The following SLC24A2 variants were observed in gnomAD, a reference collection of about 807,000 sequenced individuals.
The protein encoded by SLC24A2 is solute carrier family 24 member 2.
Under a neutral mutation model 62.0 loss-of-function variants are expected in SLC24A2, and 36 were observed. The observed-to-expected ratio is 0.58, with a 90% CI of 0.44 to 0.77. SLC24A2 has a LOEUF of 0.77. SLC24A2 is among the 30% of genes least tolerant of loss of function. SLC24A2 has a pLI of 0.00. For missense variants in SLC24A2, 846 were observed against 817.9 expected (o/e 1.03, Z -0.42); for synonymous variants, 358 against 294.0 (o/e 1.22, Z -2.23).
chr9:20,097,804 G>A, the SLC24A2 span, among the ~76,000 whole-genome samples: 1 of 126,914 alleles, frequency 7.9e-6, no homozygotes, highest in Non-Finnish European at 1.6e-5. Flanking sequence ...GTGCAGTGGC[G>A]CGATCTCGAC....
At chr9:19,779,324 CCAAA>C (rs1383247517) in intron 2 of SLC24A2, among the ~76,000 whole-genome samples, 1 of 151,944 alleles carries the variant, frequency 6.6e-6, no homozygotes, top group Non-Finnish European at 1.5e-5. Flanking sequence ...AAGGAAAATG[CCAAA>C]CACTCAAAGC....
chr9:20,096,248 A>T, the SLC24A2 span, among the ~76,000 whole-genome samples: 2 of 152,224 alleles, frequency 1.3e-5, no homozygotes, highest in Non-Finnish European at 2.9e-5. Context: ...CTTGTATCAT[A>T]GTATTACCAG....
the SLC24A2 span, among the ~76,000 whole-genome samples, chr9:20,299,034 T>A: frequency 6.6e-6 from 1 of 152,096 alleles, no homozygotes; most frequent in East Asian, 1.9e-4. Flanking sequence ...AACAGTCCCA[T>A]AGAGTCATTC....
chr9:19,774,785 C>T (rs1292177500), intron 2 of SLC24A2, among the ~76,000 whole-genome samples: 1 of 152,196 alleles, frequency 6.6e-6, no homozygotes, highest in Non-Finnish European at 1.5e-5. Context: ...CTCATTACTC[C>T]TCCAAAGGAA....
the SLC24A2 span, among the ~76,000 whole-genome samples, chr9:19,917,674 G>T: frequency 6.6e-6 from 1 of 151,880 alleles, no homozygotes; most frequent in Non-Finnish European, 1.5e-5. Context: ...TACTTAAAAC[G>T]TATTCTAACA....
chr9:20,174,724 A>C, the SLC24A2 span, among the ~76,000 whole-genome samples: 2 of 152,068 alleles, frequency 1.3e-5, no homozygotes, highest in African/African-American at 4.8e-5. Flanking sequence ...GGATGCTGTG[A>C]ACAGGGAACA....
the SLC24A2 span, among the ~76,000 whole-genome samples, chr9:20,014,964 G>A: frequency 1.5e-3 from 234 of 152,164 alleles, no homozygotes; most frequent in South Asian, 3.9e-3. Context: ...CATTGTATAC[G>A]TTTACCAAAA....
chr9:20,062,041 G>A, the SLC24A2 span, among the ~76,000 whole-genome samples: 1 of 152,082 alleles, frequency 6.6e-6, no homozygotes. Context: ...TTCAACACCA[G>A]CCTGGGAAAC....
At chr9:20,187,473 G>C in the SLC24A2 span, among the ~76,000 whole-genome samples, 1 of 152,062 alleles carries the variant, frequency 6.6e-6, no homozygotes, top group Non-Finnish European at 1.5e-5. Flanking sequence ...CGCTCACTTT[G>C]CCTACCTCAA....
At chr9:20,098,395 T>C in the SLC24A2 span, among the ~76,000 whole-genome samples, 1 of 152,198 alleles carries the variant, frequency 6.6e-6, no homozygotes, top group African/African-American at 2.4e-5. Flanking sequence ...GTTTTTTGAT[T>C]TCAAAGAAAT....
the SLC24A2 span, among the ~76,000 whole-genome samples, chr9:20,181,445 C>A: frequency 6.6e-6 from 1 of 152,084 alleles, no homozygotes; most frequent in Non-Finnish European, 1.5e-5. Context: ...GGGATATAGA[C>A]CAATGGAACA....
chr9:20,255,659 G>T, the SLC24A2 span, among the ~76,000 whole-genome samples: 1 of 152,112 alleles, frequency 6.6e-6, no homozygotes, highest in Non-Finnish European at 1.5e-5. Flanking sequence ...TATGGAGAGT[G>T]GAAACTAAGA....
the SLC24A2 span, among the ~76,000 whole-genome samples, chr9:19,883,594 C>G: frequency 6.8e-6 from 1 of 147,694 alleles, no homozygotes; most frequent in African/African-American, 2.5e-5. Flanking sequence ...GAGATGGAGT[C>G]TTGCTCTGTC....
intron 2 of SLC24A2, among the ~76,000 whole-genome samples, chr9:19,672,417 T>C (rs1240090664): frequency 6.8e-6 from 1 of 146,746 alleles, no homozygotes; most frequent in Non-Finnish European, 1.5e-5. Context: ...ATTGAGCTTA[T>C]TTGGGTCTTC....
intron 2 of SLC24A2, among the ~76,000 whole-genome samples, chr9:19,733,887 G>A (rs1821417318): frequency 1.3e-5 from 2 of 151,916 alleles, no homozygotes; most frequent in Non-Finnish European, 2.9e-5. Context: ...GCTACAGATG[G>A]GCAAAAACAA....
chr9:19,529,241 A>C (rs1363738130), intron 8 of SLC24A2, among the ~76,000 whole-genome samples: 4 of 152,166 alleles, frequency 2.6e-5, no homozygotes, highest in African/African-American at 9.7e-5. Context: ...TATGAAAGTA[A>C]TCTCAATTGT....
the SLC24A2 span, among the ~76,000 whole-genome samples, chr9:19,850,660 T>G: frequency 1.3e-4 from 19 of 151,986 alleles, no homozygotes; most frequent in Non-Finnish European, 2.5e-4. Context: ...GATCTGTGCT[T>G]TGTTTTTATA....
At chr9:19,564,036 G>T (rs754057274) in intron 7 of SLC24A2, among the ~76,000 whole-genome samples, 10 of 151,726 alleles carry the variant, frequency 6.6e-5, no homozygotes, top group Non-Finnish European at 1.3e-4. Context: ...TGTATTTTTG[G>T]TAGAGAGAGT....
At chr9:20,214,708 T>G in the SLC24A2 span, among the ~76,000 whole-genome samples, 1 of 152,208 alleles carries the variant, frequency 6.6e-6, no homozygotes, top group Non-Finnish European at 1.5e-5. Context: ...TTTGTTACAT[T>G]CTGCTGTTAT....
Sources: allele counts gnomAD v4.1 joint callset (sites outside exome capture counted in the v4.1 genomes callset), GRCh38; gene constraint gnomAD v4.1.1; transcripts MANE v1.5; gene names NCBI Gene and HGNC (gene_info 2026-07-23, HGNC 2026-07-21).